Variants in PDE6G observed in about 807,000 individuals in gnomAD.
The protein encoded by PDE6G is rod cGMP 3',5'-cyclic phosphodiesterase subunit gamma.
Under a neutral mutation model 10.9 loss-of-function variants are expected in PDE6G, and 10 were observed. The ratio of observed to expected loss-of-function variants is 0.91; its 90% CI spans 0.56 to 1.55. The LOEUF (loss-of-function observed/expected upper bound fraction) is 1.55, where lower values mean the gene tolerates loss of function less well. Ranked by LOEUF, PDE6G falls within the 40% of genes most tolerant of loss-of-function variation. The pLI is 0.00. For missense variants in PDE6G, 102 were observed against 110.1 expected, an observed-to-expected ratio of 0.93 and a Z score of 0.33; for synonymous variants, 41 against 42.8, an observed-to-expected ratio of 0.96 and a Z score of 0.16.
At chr17:81,659,612 TAATAAA>T (rs1207791620), upstream of PDE6G, among the ~76,000 whole-genome samples, 6 of 151,622 alleles carry the variant, frequency 4.0e-5, no homozygotes, top group Non-Finnish European at 8.8e-5. Flanking sequence ...AATAAATAAA[TAATAAA>T]AAAGAAATTA....
rs2036344185 is a variant in PDE6G at position 81,651,062 on chromosome 17, C to T, written c.*12G>A. 6.2e-7 allele frequency: 1 copy of T among 1,603,702 alleles called. No homozygotes were observed. The highest frequency in any genetic ancestry group is 8.5e-7 in the Non-Finnish European group (1 of 1,170,522). On this transcript the variant is annotated 3_prime_UTR_variant, in exon 4 of 4. Coordinates refer to ENST00000331056, the MANE Select transcript of PDE6G (RefSeq NM_002602.4). This position sits in a 1 kb window ranked among gnomAD's most constrained non-coding sequence, Gnocchi z 4.8. ...AGGAGGGGGAGGGTCTGGACTTCAG[C>T]AGGGCCTCGTGCTAGATGATGCCAT...
At chr17:81,657,885 G>GAATAAATA (rs1014787399), upstream of PDE6G, among the ~76,000 whole-genome samples, 112 of 122,652 alleles carry the variant, frequency 9.1e-4, no homozygotes, top group Non-Finnish European at 1.3e-3. Context: ...TGTTTCAAAT[G>GAATAAATA]AATAAATAAA....
At chr17:81,654,868 C>A (rs1420995988) in intron 1 of PDE6G, among the ~76,000 whole-genome samples, 5 of 152,162 alleles carry the variant, frequency 3.3e-5, no homozygotes, top group Non-Finnish European at 2.9e-5. Flanking sequence ...CTGCCTCAGC[C>A]TCCCCAGTAG....
rs1037872735 is a variant in PDE6G at position 81,653,437 on chromosome 17, G to A, written c.-59-73C>T. The A allele has an allele frequency of 2.8e-6, 3 of 1,066,566 alleles. No homozygotes were observed. The African/African-American group carries it at 4.7e-5, about 17-fold the overall frequency. The allele number at this position is 1,066,566 out of a possible 1,614,324, so 66.1% of individuals were successfully genotyped here. A position where few individuals can be genotyped will look rare whatever the true frequency, so the allele number is the denominator to read the frequency against. Reference sequence around the variant, plus strand: ...CCCTTGTGGGGGTCTCAACCCACCGGTGGAGGGGCTGAGACCCAGCCCCGC... The same window carrying A: ...CCCTTGTGGGGGTCTCAACCCACCGATGGAGGGGCTGAGACCCAGCCCCGC... On this transcript the variant is annotated intron_variant, in intron 1 of 3. Transcript: ENST00000331056. The surrounding 1 kb of genome is among the most constrained non-coding windows in gnomAD (Gnocchi z 5.2).
upstream of PDE6G, chr17:81,656,592 T>C: frequency 1.3e-6 from 1 of 750,072 alleles, no homozygotes; most frequent in South Asian, 1.4e-5. Context: ...ATGAGCTGAT[T>C]AGGCGTCTCA....
At chr17:81,655,059 C>A (rs927221282) in intron 1 of PDE6G, among the ~76,000 whole-genome samples, 4 of 152,254 alleles carry the variant, frequency 2.6e-5, no homozygotes, top group South Asian at 2.1e-4. Context: ...GCCCGGCCAA[C>A]CCCTCTGATT....
chr17:81,652,438 G>A (rs962940480), intron 2 of PDE6G, among the ~76,000 whole-genome samples: 4 of 152,006 alleles, frequency 2.6e-5, no homozygotes, highest in Admixed American at 6.6e-5. Flanking sequence ...CACCACGCCC[G>A]GCTAATTTTT....
rs1025340085 is a variant in PDE6G at position 81,653,038 on chromosome 17, C to T, written c.146+122G>A. 8.5e-6 allele frequency: 10 copies of T among 1,174,368 alleles called. No individual in the cohort carries two copies. Among genetic ancestry groups the T allele is most frequent in the African/African-American group, 1.5e-5 (1 of 66,424 alleles). 72.7% of individuals were successfully genotyped at this position (1,174,368 alleles called of 1,614,324 possible). A position where few individuals can be genotyped will look rare whatever the true frequency, so the allele number is the denominator to read the frequency against. ...TCAGGCACCGCCCTACCTTCCCCAG[C>T]TGTGAGGCTGGGACCACTCACCCAG... is the stretch of plus-strand genomic sequence containing the variant. On this transcript the variant is annotated intron_variant, in intron 2 of 3. Coordinates refer to ENST00000331056, the MANE Select transcript of PDE6G (RefSeq NM_002602.4). This position sits in a 1 kb window ranked among gnomAD's most constrained non-coding sequence, Gnocchi z 5.2.
intron 2 of PDE6G, among the ~76,000 whole-genome samples, chr17:81,652,391 C>T (rs1011158123): frequency 6.6e-6 from 1 of 152,166 alleles, no homozygotes; most frequent in African/African-American, 2.4e-5. Context: ...ATTCTCCTGC[C>T]TCAGCCTCCC....
upstream of PDE6G, among the ~76,000 whole-genome samples, chr17:81,661,468 G>A (rs1455560976): frequency 6.6e-6 from 1 of 152,234 alleles, no homozygotes; most frequent in East Asian, 1.9e-4. Flanking sequence ...TGTAATCCCA[G>A]CACTTTGGAA....
intron 1 of PDE6G, among the ~76,000 whole-genome samples, chr17:81,654,604 A>G (rs7405790): frequency 0.71 from 108,102 of 151,234 alleles, 39,984 homozygotes; most frequent in East Asian, 1. Flanking sequence ...GGCTGGTCTC[A>G]AACTCCTGAC....
intron 2 of PDE6G, among the ~76,000 whole-genome samples, chr17:81,652,603 GTTC>G (rs1190013842): frequency 3.5e-5 from 5 of 143,624 alleles, no homozygotes; most frequent in Admixed American, 2.1e-4. Flanking sequence ...ACGGAGTTTT[GTTC>G]TTCTTGTTGC....
At chr17:81,657,704 C>T (rs1321219316), upstream of PDE6G, among the ~76,000 whole-genome samples, 2 of 151,718 alleles carry the variant, frequency 1.3e-5, no homozygotes, top group Non-Finnish European at 2.9e-5. Flanking sequence ...CATGGTGAAA[C>T]CCCGACTCTA....
chr17:81,662,815 T>C (rs891604174), intron 1 of PDE6G, among the ~76,000 whole-genome samples: 2 of 151,672 alleles, frequency 1.3e-5, no homozygotes, highest in African/African-American at 4.8e-5. Context: ...CTGGGTGATA[T>C]GGCGAAACCC....
chr17:81,650,955 C>T lies in PDE6G; in HGVS notation c.*119G>A. ...AGGGGGAGACCTGAGGTTGCAGTCCCATCCTGGTGTCCAGGTGCCATCTGG... is the reference window on the plus strand; with the variant it reads ...AGGGGGAGACCTGAGGTTGCAGTCCTATCCTGGTGTCCAGGTGCCATCTGG... On this transcript the variant is annotated 3_prime_UTR_variant, in exon 4 of 4. Transcript: ENST00000331056. The T allele has an allele frequency of 2.6e-6, 2 of 774,830 alleles. No individual in the cohort carries two copies. Among genetic ancestry groups the T allele is most frequent in the African/African-American group, 1.7e-5 (1 of 58,998 alleles). The allele number at this position is 774,830 out of a possible 1,614,324, so 48.0% of individuals were successfully genotyped here. A position where few individuals can be genotyped will look rare whatever the true frequency, so the allele number is the denominator to read the frequency against.
At chr17:81,659,690 T>C (rs1419685621), upstream of PDE6G, among the ~76,000 whole-genome samples, 1 of 152,218 alleles carries the variant, frequency 6.6e-6, no homozygotes, top group Non-Finnish European at 1.5e-5. Flanking sequence ...TTCACAATAA[T>C]GCAAAACACA....
chr17:81,652,075 AAG>A (rs1422840656), intron 2 of PDE6G, among the ~76,000 whole-genome samples: 2 of 152,138 alleles, frequency 1.3e-5, no homozygotes, highest in Non-Finnish European at 2.9e-5. Context: ...GTTTGTGCAT[AAG>A]AGTGTCATGC....
In PDE6G at chr17:81,653,230, CT is replaced by C; in HGVS notation, c.75del (p.Pro28LeufsTer66). 1 of 1,614,122 alleles carries C rather than the reference CT, an allele frequency of 6.2e-7. No individual in the cohort carries two copies. The highest frequency in any genetic ancestry group is 8.5e-7 in the Non-Finnish European group (1 of 1,180,000). ...RVAGGPVTPR[K>X]GPPKFKQRQT... ...TGTCGCTGCTTAAATTTAGGGGGCC[CT>C]TTCCTGGGGGTGACAGGTCCCCCGG... On this transcript the variant is annotated frameshift_variant, in exon 2 of 4. Coordinates refer to ENST00000331056, the MANE Select transcript of PDE6G (RefSeq NM_002602.4). LOFTEE classifies it high-confidence loss of function. The surrounding 1 kb of genome is among the most constrained non-coding windows in gnomAD (Gnocchi z 5.2).
intron 1 of PDE6G, among the ~76,000 whole-genome samples, chr17:81,661,955 C>T (rs1044537043): frequency 2.0e-5 from 3 of 151,542 alleles, no homozygotes; most frequent in South Asian, 2.1e-4. Context: ...CACTTAATCC[C>T]GGGAGGCAGA....
Sources: allele counts gnomAD v4.1 joint callset (sites outside exome capture counted in the v4.1 genomes callset), GRCh38; gene constraint gnomAD v4.1.1; non-coding constraint Gnocchi (gnomAD v3.1); transcripts MANE v1.5; gene names NCBI Gene and HGNC (gene_info 2026-07-23, HGNC 2026-07-21).